The following ST6GALNAC5 variants were observed in gnomAD, a reference collection of about 807,000 sequenced individuals.
ST6GALNAC5 encodes ST6 N-acetylgalactosaminide alpha-2,6-sialyltransferase 5, also known as alpha-N-acetylgalactosaminide alpha-2,6-sialyltransferase 5.
A neutral mutation model predicts 33.6 loss-of-function variants in ST6GALNAC5; 27 were observed. The observed-to-expected ratio is 0.80, with a 90% CI of 0.59 to 1.11. The LOEUF (loss-of-function observed/expected upper bound fraction) is 1.11, where lower values mean the gene tolerates loss of function less well. Among genes scored for constraint, ST6GALNAC5 ranks in the 50% least tolerant of loss-of-function variants. The probability of loss-of-function intolerance (pLI) is 0.00; values close to 1 mark genes in which losing one functional copy is unlikely to be tolerated. For missense variants in ST6GALNAC5, 428 were observed against 454.0 expected (o/e 0.94, Z 0.52); for synonymous variants, 194 against 171.2 (o/e 1.13, Z -1.04).
chr1:76,979,174 A>G (rs1346232449), intron 2 of ST6GALNAC5, among the ~76,000 whole-genome samples: 4 of 152,164 alleles, frequency 2.6e-5, no homozygotes, highest in African/African-American at 9.7e-5. Flanking sequence ...AAGAATTAAT[A>G]TTTTTAAAAT....
rs1226377400 is a variant in ST6GALNAC5 at position 77,044,697 on chromosome 1, A to G, written c.671+84A>G. ...ACTCACCCAAAGCAAAGCTTTTGCT[A>G]CAGGCTTTTGTTGTGGGCTCCACTG... is the stretch of plus-strand genomic sequence containing the variant. On this transcript the variant is annotated intron_variant, in intron 3 of 4. Transcript: ENST00000477717. 3.4e-6 allele frequency: 5 copies of G among 1,485,106 alleles called. No homozygotes were observed. The East Asian group carries it at 1.1e-4, about 34-fold the overall frequency. The allele number at this position is 1,485,106 out of a possible 1,614,324, so 92.0% of individuals were successfully genotyped here.
chr1:77,001,518 T>C (rs1463969663), intron 2 of ST6GALNAC5, among the ~76,000 whole-genome samples: 1 of 144,700 alleles, frequency 6.9e-6, no homozygotes, highest in Non-Finnish European at 1.5e-5. Flanking sequence ...GGCCAGAACT[T>C]CCAACACTAT....
intron 2 of ST6GALNAC5, among the ~76,000 whole-genome samples, chr1:76,888,057 G>T (rs934217666): frequency 6.6e-6 from 1 of 152,180 alleles, no homozygotes; most frequent in Non-Finnish European, 1.5e-5. Flanking sequence ...GAAATGTGGA[G>T]AAGTACTTTT....
At chr1:76,992,896 A>G (rs1468651632) in intron 2 of ST6GALNAC5, among the ~76,000 whole-genome samples, 2 of 152,188 alleles carry the variant, frequency 1.3e-5, no homozygotes, top group African/African-American at 2.4e-5. Context: ...TTTGCAGGTT[A>G]GAGACAAAGT....
chr1:76,970,981 G>A (rs1648734056), intron 2 of ST6GALNAC5, among the ~76,000 whole-genome samples: 1 of 151,762 alleles, frequency 6.6e-6, no homozygotes, highest in Non-Finnish European at 1.5e-5. Context: ...TTTATTTCTT[G>A]TTCTTTCTTG....
At chr1:77,002,276 A>G (rs969099914) in intron 2 of ST6GALNAC5, among the ~76,000 whole-genome samples, 3 of 152,228 alleles carry the variant, frequency 2.0e-5, no homozygotes, top group African/African-American at 7.2e-5. Flanking sequence ...GTTTATTTGC[A>G]TAGAGGTGTT....
rs1206984512 is a variant in ST6GALNAC5, at chr1:77,067,202, G to C, written c.*3996G>C. On this transcript the variant is annotated 3_prime_UTR_variant, in exon 5 of 5. Coordinates refer to ENST00000477717, the MANE Select transcript of ST6GALNAC5 (RefSeq NM_030965.3). ...ACCAATTGCCTAGGTGTTAGCACAT[G>C]CCAGAAGGTACTTTGGAATGGAAAG... is the stretch of plus-strand genomic sequence containing the variant. Among the ~76,000 whole-genome samples, 1 of 152,196 alleles carries C rather than the reference G, an allele frequency of 6.6e-6. No individual in the cohort carries two copies. Among genetic ancestry groups the C allele is most frequent in the East Asian group, 1.9e-4 (1 of 5,186 alleles).
At chr1:76,937,491 G>A (rs1319312569) in intron 2 of ST6GALNAC5, among the ~76,000 whole-genome samples, 1 of 152,022 alleles carries the variant, frequency 6.6e-6, no homozygotes, top group Non-Finnish European at 1.5e-5. Flanking sequence ...ACTGGAAGAT[G>A]GTGTAAGGAA....
At chr1:76,956,522 C>T (rs1292913571) in intron 2 of ST6GALNAC5, among the ~76,000 whole-genome samples, 10 of 152,292 alleles carry the variant, frequency 6.6e-5, no homozygotes, top group South Asian at 2.1e-4. Flanking sequence ...CAACTTCCCT[C>T]CTCCCCTAGC....
chr1:77,058,525 A>C (rs1275656966), intron 4 of ST6GALNAC5, among the ~76,000 whole-genome samples: 1 of 152,130 alleles, frequency 6.6e-6, no homozygotes, highest in Non-Finnish European at 1.5e-5. Context: ...TGATTTATGC[A>C]CATGCCAGCT....
intron 2 of ST6GALNAC5, among the ~76,000 whole-genome samples, chr1:77,000,664 T>G (rs1348195748): frequency 6.6e-6 from 1 of 150,870 alleles, no homozygotes; most frequent in Non-Finnish European, 1.5e-5. Flanking sequence ...GAATTGATTT[T>G]TGTATAAGGT....
chr1:76,980,614 A>G (rs1476599779), intron 2 of ST6GALNAC5, among the ~76,000 whole-genome samples: 2 of 152,214 alleles, frequency 1.3e-5, no homozygotes, highest in Non-Finnish European at 2.9e-5. Context: ...GCCTCTTTAA[A>G]TGGGGGAAAG....
chr1:76,868,702 C>A lies in ST6GALNAC5; in HGVS notation c.221C>A (p.Pro74Gln), dbSNP rs1463337116. ...CAGCGCCCCGGGGTCCCCGCGGGAC[C>A]GCGGCCACTGGACGGATACCTCGGA... ...TQQRPGVPAG[P>Q]RPLDGYLGVA... The change falls in exon 2 of 5, where the codon CCG becomes CAG. Residue 74 changes from proline (P) to glutamine (Q), a missense_variant. Transcript: ENST00000477717. This position sits in a 1 kb window ranked among gnomAD's most constrained non-coding sequence, Gnocchi z 4.3. 10 of 1,534,804 alleles carry A rather than the reference C, an allele frequency of 6.5e-6. No individual in the cohort carries two copies. The highest frequency in any genetic ancestry group is 7.9e-6 in the Non-Finnish European group (9 of 1,141,700).
chr1:76,958,877 G>T (rs1195494408), intron 2 of ST6GALNAC5, among the ~76,000 whole-genome samples: 1 of 152,036 alleles, frequency 6.6e-6, no homozygotes, highest in African/African-American at 2.4e-5. Flanking sequence ...CTCCCTTTGT[G>T]CCCCAGTAGC....
At chr1:77,010,297 C>A (rs1159692092) in intron 2 of ST6GALNAC5, among the ~76,000 whole-genome samples, 1 of 152,106 alleles carries the variant, frequency 6.6e-6, no homozygotes. Context: ...GTGGTCGAGA[C>A]CAGCCTGACC....
intron 4 of ST6GALNAC5, among the ~76,000 whole-genome samples, chr1:77,056,647 A>G (rs1399417975): frequency 6.6e-6 from 1 of 152,220 alleles, no homozygotes; most frequent in Non-Finnish European, 1.5e-5. Flanking sequence ...ACCGGGTAGA[A>G]TCGGAAGCTT....
intron 2 of ST6GALNAC5, among the ~76,000 whole-genome samples, chr1:76,987,301 A>G (rs527453076): frequency 6.6e-6 from 1 of 152,346 alleles, no homozygotes; most frequent in Non-Finnish European, 1.5e-5. Context: ...ACATTTCTCC[A>G]AAGAAGATAT....
intron 2 of ST6GALNAC5, among the ~76,000 whole-genome samples, chr1:76,988,444 T>A (rs188309553): frequency 6.6e-5 from 10 of 152,204 alleles, no homozygotes; most frequent in Admixed American, 5.2e-4. Context: ...ATCTTTATAG[T>A]TATAAATTGA....
At chr1:76,899,216 T>C (rs773255970) in intron 2 of ST6GALNAC5, among the ~76,000 whole-genome samples, 2 of 152,040 alleles carry the variant, frequency 1.3e-5, no homozygotes, top group Non-Finnish European at 2.9e-5. Context: ...TTTTAAGTTC[T>C]TAAGAACACA....
Sources: allele counts gnomAD v4.1 joint callset (sites outside exome capture counted in the v4.1 genomes callset), GRCh38; gene constraint gnomAD v4.1.1; non-coding constraint Gnocchi (gnomAD v3.1); transcripts MANE v1.5; gene names NCBI Gene and HGNC (gene_info 2026-07-23, HGNC 2026-07-21).